ZNF678: variants seen among roughly 807,000 people sequenced by gnomAD.
ZNF678 encodes zinc finger protein 678.
In ZNF678, 5 loss-of-function variants were observed where a neutral mutation model predicts 3.0. The ratio of observed to expected loss-of-function variants is 1.69; its 90% CI spans 0.88 to 3.56. The LOEUF (loss-of-function observed/expected upper bound fraction) is 3.56, where lower values mean the gene tolerates loss of function less well. Among genes scored for constraint, ZNF678 ranks in the 30% most tolerant of loss-of-function variants. ZNF678 has a pLI of 0.00. For missense variants in ZNF678, 593 were observed against 605.0 expected (o/e 0.98, Z 0.21); for synonymous variants, 218 against 199.6 (o/e 1.09, Z -0.78).
In ZNF678 at chr1:227,655,043, T is replaced by C; in HGVS notation, c.793T>C (p.Tyr265His). The C allele has an allele frequency of 6.2e-7, 1 of 1,612,274 alleles. No homozygotes were observed. The highest frequency in any genetic ancestry group is 8.5e-7 in the Non-Finnish European group (1 of 1,179,346). ...HKRIHTGEKP[Y>H]KCEECGNVFN... ...GAGAATTCATACTGGAGAGAAACCTTACAAGTGTGAAGAATGTGGCAACGT... is the reference window on the plus strand; with the variant it reads ...GAGAATTCATACTGGAGAGAAACCTCACAAGTGTGAAGAATGTGGCAACGT... Residue 265 changes from tyrosine (Y) to histidine (H), a missense_variant, in exon 4 of 4, where the codon TAC becomes CAC. Transcript: ENST00000343776.
intron 5 of ZNF678, among the ~76,000 whole-genome samples, chr1:227,674,220 G>C (rs1191658492): frequency 6.6e-6 from 1 of 152,164 alleles, no homozygotes; most frequent in Non-Finnish European, 1.5e-5. Context: ...AGTTTATTTT[G>C]TTCCAAATGG....
Position 227,655,712 on chromosome 1 carries a change from C to T in ZNF678, c.1462C>T (p.Arg488Cys), listed in dbSNP as rs144197345. The T allele has an allele frequency of 1.2e-4, 198 of 1,612,646 alleles. 3 individuals carry two copies. The South Asian group carries it at 1.9e-3, about 16-fold the overall frequency. ...TAAAAGAATTCATACTGGAGAGAAA[C>T]GCTACAAATGTAAAGAATGTGGAAA... is the stretch of plus-strand genomic sequence containing the variant. The part of the protein sequence containing the change: ...RHKRIHTGEK[R>C]YKCKECGKGF... Residue 488 changes from arginine to cysteine, a missense_variant, in exon 4 of 4, where the codon CGC (arginine) becomes TGC (cysteine). Arg to Cys is a radical substitution (Grantham distance 180). Transcript: ENST00000343776.
chr1:227,639,799 G>C (rs763669045), intron 1 of ZNF678, among the ~76,000 whole-genome samples: 1 of 152,134 alleles, frequency 6.6e-6, no homozygotes, highest in African/African-American at 2.4e-5. Flanking sequence ...ATACAGTCCC[G>C]GTCTTCTGGG....
At chr1:227,612,023 G>A (rs1658033636) in intron 1 of ZNF678, among the ~76,000 whole-genome samples, 1 of 151,910 alleles carries the variant, frequency 6.6e-6, no homozygotes, top group Non-Finnish European at 1.5e-5. Context: ...GAAGATGATC[G>A]ACAACCAGAG....
chr1:227,587,995 C>G (rs1426849713), intron 1 of ZNF678, among the ~76,000 whole-genome samples: 1 of 152,092 alleles, frequency 6.6e-6, no homozygotes, highest in Non-Finnish European at 1.5e-5. Context: ...CCCCAGCCCC[C>G]CAACAGGTGC....
At chr1:227,565,823 G>C (rs1656668610) in intron 1 of ZNF678, among the ~76,000 whole-genome samples, 1 of 152,160 alleles carries the variant, frequency 6.6e-6, no homozygotes, top group Admixed American at 6.5e-5. Flanking sequence ...GCAGTGGCCT[G>C]ATCTTGGCTC....
intron 1 of ZNF678, among the ~76,000 whole-genome samples, chr1:227,588,885 A>G (rs753084786): frequency 7.3e-6 from 1 of 137,062 alleles, no homozygotes; most frequent in African/African-American, 2.9e-5. Flanking sequence ...TTTTCTCATG[A>G]TCAGTGATGT....
chr1:227,668,665 CTG>C (rs757772794), intron 5 of ZNF678, among the ~76,000 whole-genome samples: 7 of 152,182 alleles, frequency 4.6e-5, no homozygotes, highest in Non-Finnish European at 1.0e-4. Context: ...ACACACTTGA[CTG>C]TGTTCACAGT....
At chr1:227,633,332 C>T (rs192180451) in intron 1 of ZNF678, among the ~76,000 whole-genome samples, 4 of 152,296 alleles carry the variant, frequency 2.6e-5, no homozygotes, top group South Asian at 2.1e-4. Flanking sequence ...GGGTTTATAT[C>T]GCAATCATTG....
At chr1:227,633,247 A>G (rs1460100831) in intron 1 of ZNF678, among the ~76,000 whole-genome samples, 1 of 152,144 alleles carries the variant, frequency 6.6e-6, no homozygotes, top group Non-Finnish European at 1.5e-5. Context: ...TGCAAGACTT[A>G]ATAGAGTGAA....
chr1:227,598,833 C>T (rs1571876399), intron 1 of ZNF678: 1 of 588,990 alleles, frequency 1.7e-6, no homozygotes, highest in Non-Finnish European at 3.2e-6. Flanking sequence ...AGAATTAGAG[C>T]TTAATGAAGA....
At chr1:227,624,745 C>T (rs1658365995) in intron 1 of ZNF678, among the ~76,000 whole-genome samples, 1 of 152,220 alleles carries the variant, frequency 6.6e-6, no homozygotes, top group Non-Finnish European at 1.5e-5. Flanking sequence ...AACCCGGGCA[C>T]TTACCCACGC....
intron 1 of ZNF678, among the ~76,000 whole-genome samples, chr1:227,632,547 G>A (rs1400150675): frequency 6.6e-6 from 1 of 152,062 alleles, no homozygotes; most frequent in Non-Finnish European, 1.5e-5. Context: ...GCTTCCCCCA[G>A]GAATATTGTG....
At chr1:227,644,629 A>G (rs917537744) in intron 1 of ZNF678, among the ~76,000 whole-genome samples, 2 of 152,120 alleles carry the variant, frequency 1.3e-5, no homozygotes, top group African/African-American at 4.8e-5. Flanking sequence ...GGGACTTCTT[A>G]CAGAAGCCAG....
rs137915010 is a variant in ZNF678, at chr1:227,655,216, A to G, written c.966A>G (p.Gln322=). Residue 322 remains glutamine, a synonymous_variant, in exon 4 of 4, where the codon CAA becomes CAG. Transcript: ENST00000343776. ...KRIHTGEKPY[Q]CEECGKTFNR... Reference sequence around the variant, plus strand: ...TTCATACTGGAGAAAAACCCTACCAATGTGAAGAATGTGGCAAAACTTTTA... The same window carrying G: ...TTCATACTGGAGAAAAACCCTACCAGTGTGAAGAATGTGGCAAAACTTTTA... 2.5e-5 allele frequency: 41 copies of G among 1,612,466 alleles called. No homozygotes were observed. In the African/African-American group the frequency reaches 5.1e-4, roughly 20 times the overall value.
At chr1:227,670,213 G>T (rs1001220009) in intron 5 of ZNF678, among the ~76,000 whole-genome samples, 7 of 152,182 alleles carry the variant, frequency 4.6e-5, no homozygotes, top group African/African-American at 1.4e-4. Context: ...ACCTGTGGGT[G>T]CCATGCTTAC....
intron 1 of ZNF678, among the ~76,000 whole-genome samples, chr1:227,612,484 T>C (rs528502197): frequency 5.9e-5 from 9 of 152,186 alleles, no homozygotes; most frequent in Admixed American, 1.3e-4. Flanking sequence ...TGCCACATGG[T>C]CTATTTTTAT....
In ZNF678 at chr1:227,638,019, T is replaced by C. The variant is rs1313941168; in HGVS notation, c.-163-8525T>C. On this transcript the variant is annotated intron_variant, in intron 1 of 3. Coordinates refer to ENST00000343776, the MANE Select transcript of ZNF678 (RefSeq NM_001367909.1). The surrounding 1 kb of genome is among the most constrained non-coding windows in gnomAD (Gnocchi z 4.2). ...TTGGGAGGGGCTACACAGGAGCAGA[T>C]TGTTAACATATTGAAGGAGAGTGGA... is the stretch of plus-strand genomic sequence containing the variant. 6.6e-6 allele frequency among the ~76,000 whole-genome samples: 1 copy of C among 152,056 alleles called. No homozygotes were observed. The highest frequency in any genetic ancestry group is 2.4e-5 in the African/African-American group (1 of 41,390).
downstream of ZNF678, among the ~76,000 whole-genome samples, chr1:227,666,997 G>A (rs989347965): frequency 9.3e-5 from 14 of 151,310 alleles, no homozygotes; most frequent in African/African-American, 3.4e-4. Flanking sequence ...CACCCACCTC[G>A]GCCTCCCAAA....
Sources: allele counts gnomAD v4.1 joint callset (sites outside exome capture counted in the v4.1 genomes callset), GRCh38; gene constraint gnomAD v4.1.1; non-coding constraint Gnocchi (gnomAD v3.1); transcripts MANE v1.5; gene names NCBI Gene and HGNC (gene_info 2026-07-23, HGNC 2026-07-21).